The following KCND2 variants were observed in gnomAD, a reference collection of about 807,000 sequenced individuals.
KCND2 encodes the protein A-type voltage-gated potassium channel KCND2.
Under a neutral mutation model 54.4 loss-of-function variants are expected in KCND2, and 16 were observed. That is an observed-to-expected ratio of 0.29 (90% CI 0.20 to 0.45). The LOEUF is 0.45. Ranked by LOEUF, KCND2 falls within the 20% of genes least tolerant of loss-of-function variation. KCND2 has a pLI of 1.00. For missense variants in KCND2, 486 were observed against 824.2 expected (o/e 0.59, Z 5.02); for synonymous variants, 317 against 310.7 (o/e 1.02, Z -0.21).
chr7:120,449,012 A>C (rs1244648503), intron 1 of KCND2, among the ~76,000 whole-genome samples: 2 of 152,176 alleles, frequency 1.3e-5, no homozygotes, highest in African/African-American at 4.8e-5. Flanking sequence ...TCACCTAAAC[A>C]AACAGTCACA....
intron 1 of KCND2, among the ~76,000 whole-genome samples, chr7:120,595,507 G>T (rs1368250173): frequency 8.3e-5 from 12 of 144,200 alleles, no homozygotes; most frequent in African/African-American, 3.0e-4. Flanking sequence ...ATGTGTGTGT[G>T]TGTATATATA....
chr7:120,317,605 A>G (rs1799831685), intron 1 of KCND2, among the ~76,000 whole-genome samples: 2 of 152,168 alleles, frequency 1.3e-5, no homozygotes, highest in African/African-American at 2.4e-5. Context: ...GTTACCCAAA[A>G]TTTAAGGATA....
chr7:120,458,525 T>C (rs1802235414), intron 1 of KCND2, among the ~76,000 whole-genome samples: 1 of 152,192 alleles, frequency 6.6e-6, no homozygotes, highest in Admixed American at 6.5e-5. Context: ...AAAATGGAAA[T>C]GAGCAGTTCA....
intron 1 of KCND2, among the ~76,000 whole-genome samples, chr7:120,353,958 T>G (rs933769747): frequency 1.3e-5 from 2 of 152,172 alleles, no homozygotes; most frequent in Non-Finnish European, 2.9e-5. Context: ...CAAAAGTTAT[T>G]AATTTTATAA....
At chr7:120,581,558 A>G (rs571185592) in intron 1 of KCND2, among the ~76,000 whole-genome samples, 165 of 152,332 alleles carry the variant, frequency 1.1e-3, no homozygotes, top group Non-Finnish European at 2.0e-3. Context: ...GCAACAGTCT[A>G]GTGCCTGTCT....
At chr7:120,371,523 G>T (rs146871845) in intron 1 of KCND2, among the ~76,000 whole-genome samples, 2 of 151,854 alleles carry the variant, frequency 1.3e-5, no homozygotes, top group Non-Finnish European at 2.9e-5. Context: ...TGAGTGGGAG[G>T]GAGGCTTCTG....
rs1041694614 is a variant in KCND2, at chr7:120,749,399, G to A, written c.*1541G>A. 2 of 152,282 alleles carry A rather than the reference G, an allele frequency of 1.3e-5. No individual in the cohort carries two copies. Among genetic ancestry groups the A allele is most frequent in the African/African-American group, 4.8e-5 (2 of 41,410 alleles). 9.4% of individuals were successfully genotyped at this position (152,282 alleles called of 1,614,324 possible). ...TTTTCACCCTTAAAATATTTCAGCA[G>A]ACATGTCTGCACATGACAGTGTAAA... On this transcript the variant is annotated 3_prime_UTR_variant, in exon 6 of 6. Coordinates refer to ENST00000331113, the MANE Select transcript of KCND2 (RefSeq NM_012281.3).
intron 1 of KCND2, among the ~76,000 whole-genome samples, chr7:120,685,595 T>C (rs1486798116): frequency 6.6e-6 from 1 of 152,190 alleles, no homozygotes; most frequent in East Asian, 1.9e-4. Flanking sequence ...TATTTGTCAC[T>C]GTGGAGTCTG....
intron 1 of KCND2, among the ~76,000 whole-genome samples, chr7:120,589,217 A>G (rs1792639948): frequency 6.6e-6 from 1 of 152,238 alleles, no homozygotes; most frequent in South Asian, 2.1e-4. Flanking sequence ...GAATAGTAGA[A>G]TTATAAGTAC....
intron 1 of KCND2, among the ~76,000 whole-genome samples, chr7:120,601,190 G>A (rs1330407013): frequency 2.6e-5 from 4 of 152,026 alleles, no homozygotes; most frequent in South Asian, 2.1e-4. Context: ...ATATAAATAA[G>A]AGTTACCATA....
intron 1 of KCND2, among the ~76,000 whole-genome samples, chr7:120,434,223 A>G (rs987762652): frequency 6.6e-6 from 1 of 152,346 alleles, no homozygotes; most frequent in African/African-American, 2.4e-5. Flanking sequence ...CGTGGTTATG[A>G]GGCCAAACTT....
At chr7:120,706,047 C>T (rs1416556430) in intron 1 of KCND2, among the ~76,000 whole-genome samples, 1 of 152,046 alleles carries the variant, frequency 6.6e-6, no homozygotes, top group Non-Finnish European at 1.5e-5. Context: ...TGCAGTTCAC[C>T]ATCTATTTCA....
intron 1 of KCND2, among the ~76,000 whole-genome samples, chr7:120,680,783 G>A (rs1330602000): frequency 6.6e-6 from 1 of 152,030 alleles, no homozygotes; most frequent in African/African-American, 2.4e-5. Flanking sequence ...TTAGAGCACT[G>A]CCTGACACAA....
intron 1 of KCND2, among the ~76,000 whole-genome samples, chr7:120,421,460 A>G (rs747349494): frequency 1.3e-5 from 2 of 152,248 alleles, no homozygotes; most frequent in Non-Finnish European, 2.9e-5. Context: ...TCTATTTTGC[A>G]TAATGGAAAC....
At chr7:120,643,728 A>C (rs985599085) in intron 1 of KCND2, among the ~76,000 whole-genome samples, 1 of 151,824 alleles carries the variant, frequency 6.6e-6, no homozygotes, top group Admixed American at 6.6e-5. Flanking sequence ...CAGTGCAATA[A>C]AATGTCAAAA....
intron 1 of KCND2, among the ~76,000 whole-genome samples, chr7:120,460,635 G>A (rs1045881179): frequency 7.1e-6 from 1 of 140,852 alleles, no homozygotes; most frequent in Admixed American, 7.4e-5. Flanking sequence ...CATTTATTTC[G>A]AACCTGTTTA....
At chr7:120,625,645 G>C (rs887134518) in intron 1 of KCND2, among the ~76,000 whole-genome samples, 18 of 152,070 alleles carry the variant, frequency 1.2e-4, no homozygotes, top group African/African-American at 3.4e-4. Context: ...TAGAAATCAT[G>C]GAGAAATTCA....
At chr7:120,572,493 A>T (rs1206951389) in intron 1 of KCND2, among the ~76,000 whole-genome samples, 1 of 152,152 alleles carries the variant, frequency 6.6e-6, no homozygotes. Context: ...ATTTATCACC[A>T]TTTAATAGTT....
At chr7:120,371,776 A>G (rs1800768805) in intron 1 of KCND2, among the ~76,000 whole-genome samples, 1 of 151,980 alleles carries the variant, frequency 6.6e-6, no homozygotes, top group African/African-American at 2.4e-5. Context: ...GTAACATGCT[A>G]TATAGGTTTG....
Sources: gnomAD v4.1 joint callset for allele counts (sites outside exome capture counted in the v4.1 genomes callset) on GRCh38, gnomAD v4.1.1 for gene constraint, MANE v1.5 for transcripts, NCBI Gene and HGNC (gene_info 2026-07-23, HGNC 2026-07-21) for gene names.